U2AF2: variants seen among roughly 807,000 people sequenced by gnomAD.
U2AF2 encodes U2 small nuclear RNA auxiliary factor 2.
A neutral mutation model predicts 52.6 loss-of-function variants in U2AF2; 6 were observed. The observed-to-expected ratio is 0.11, with a 90% CI of 0.06 to 0.23. U2AF2 has a LOEUF of 0.23. Among genes scored for constraint, U2AF2 ranks in the 10% least tolerant of loss-of-function variants. The pLI is 1.00. For missense variants in U2AF2, 222 were observed against 677.1 expected (o/e 0.33, Z 7.46); for synonymous variants, 284 against 258.2 (o/e 1.10, Z -0.96).
At chr19:55,660,709 G>T (rs1437133567) in intron 4 of U2AF2, 90 bp downstream of exon 4, 4 of 1,295,600 alleles carry the variant, frequency 3.1e-6, no homozygotes, top group Non-Finnish European at 4.3e-6. Flanking sequence ...TGCTTGGAGG[G>T]GGTCAAAGAC....
chr19:55,660,971 T>A, intron 4 of U2AF2, 67 bp from the exon 5 acceptor site: 1 of 1,507,362 alleles, frequency 6.6e-7, no homozygotes. Context: ...ACTCCCAGTG[T>A]GTGGTGAGGG....
Position 55,674,079 on chromosome 19 carries a change from G to T in U2AF2, c.*11G>T. On this transcript the variant is annotated 3_prime_UTR_variant, in exon 12 of 12. Transcript: ENST00000308924. Reference sequence around the variant, plus strand: ...CGGGACTTCTGGTAGAGGCGGCTGGGGGAGGGTGGGGGCAGGGCTGGCTGG... The same window carrying T: ...CGGGACTTCTGGTAGAGGCGGCTGGTGGAGGGTGGGGGCAGGGCTGGCTGG... 1 of 1,600,508 alleles carries T rather than the reference G, an allele frequency of 6.2e-7. No homozygotes were observed. The highest frequency in any genetic ancestry group is 8.5e-7 in the Non-Finnish European group (1 of 1,173,264).
intron 6 of U2AF2, among the ~76,000 whole-genome samples, chr19:55,663,028 G>A (rs149654360): frequency 6.4e-4 from 97 of 152,036 alleles, no homozygotes; most frequent in African/African-American, 2.2e-3. Context: ...AGTCTTCTGT[G>A]TCTGTGTTTC....
At chr19:55,667,658 G>A (rs1371586920) in intron 7 of U2AF2, among the ~76,000 whole-genome samples, 5 of 152,200 alleles carry the variant, frequency 3.3e-5, no homozygotes, top group African/African-American at 9.7e-5. Context: ...CTAATGCTGC[G>A]GATGCTGTTC....
At chr19:55,655,785 C>T (rs1187876610) in intron 1 of U2AF2, among the ~76,000 whole-genome samples, 6 of 152,208 alleles carry the variant, frequency 3.9e-5, no homozygotes, top group Admixed American at 3.9e-4. Flanking sequence ...TGGGGCGCCT[C>T]ATATTAACGT....
intron 11 of U2AF2, among the ~76,000 whole-genome samples, chr19:55,673,084 AATTTTTGT>A (rs1163990912): frequency 6.6e-6 from 1 of 151,986 alleles, no homozygotes; most frequent in African/African-American, 2.4e-5. Flanking sequence ...ATGTCTGGCT[AATTTTTGT>A]ATTTTTGGTA....
intron 7 of U2AF2, 157 bp downstream of exon 7, chr19:55,663,901 G>A: frequency 9.0e-7 from 1 of 1,110,954 alleles, no homozygotes; most frequent in African/African-American, 1.6e-5. Context: ...TGTGAGTGGG[G>A]TGCTCTCCTG....
In U2AF2 at chr19:55,668,028, C is replaced by T. The variant is rs1006421078; in HGVS notation, c.743-479C>T. Among the ~76,000 whole-genome samples the T allele has an allele frequency of 4.6e-5, 7 of 152,062 alleles. No homozygotes were observed. The highest frequency in any genetic ancestry group is 9.7e-5 in the African/African-American group (4 of 41,392). On this transcript the variant is annotated intron_variant, in intron 7 of 11. Coordinates refer to ENST00000308924, the MANE Select transcript of U2AF2 (RefSeq NM_007279.3). This position sits in a 1 kb window ranked among gnomAD's most constrained non-coding sequence, Gnocchi z 5.5. ...TTATCTCTTGACCTTGTGATCTGCCCGCCTTGGCCTCCCAAAGTGCTGAGA... is the reference window on the plus strand; with the variant it reads ...TTATCTCTTGACCTTGTGATCTGCCTGCCTTGGCCTCCCAAAGTGCTGAGA...
rs112526838 is a variant in U2AF2, at chr19:55,660,320, G to T, written c.230+99G>T. On this transcript the variant is annotated intron_variant, in intron 3 of 11. Coordinates refer to ENST00000308924, the MANE Select transcript of U2AF2 (RefSeq NM_007279.3). ...CCGCCCATTTCCAGCCCTGGCCCAA[G>T]CACTGGGAAGAGTCCACTTACCTTG... 4,842 of 1,399,178 alleles carry T rather than the reference G, an allele frequency of 3.5e-3. 157 individuals are homozygous for T. The African/African-American group carries it at 0.063, about 18-fold the overall frequency. The allele number at this position is 1,399,178 out of a possible 1,614,324, so 86.7% of individuals were successfully genotyped here.
chr19:55,656,712 T>C (rs1983819569), intron 1 of U2AF2, among the ~76,000 whole-genome samples: 1 of 152,212 alleles, frequency 6.6e-6, no homozygotes, highest in Non-Finnish European at 1.5e-5. Context: ...AACTGAGGGC[T>C]CAGAAAAGTT....
At position 55,674,423 on chromosome 19, in the gene U2AF2, C is replaced by T. The variant is rs981027021; in HGVS notation, c.*355C>T. 4.5e-6 allele frequency: 1 copy of T among 224,414 alleles called. No homozygotes were observed. Among genetic ancestry groups the T allele is most frequent in the Non-Finnish European group, 9.1e-6 (1 of 109,992 alleles). The allele number at this position is 224,414 out of a possible 1,614,324, so 13.9% of individuals were successfully genotyped here. ...CTCCCATAGACCCCTTTCTTCTCCC[C>T]TTCCCCACGGTAGGAACATAGCGTG... On this transcript the variant is annotated 3_prime_UTR_variant, in exon 12 of 12. Coordinates refer to ENST00000308924, the MANE Select transcript of U2AF2 (RefSeq NM_007279.3).
At chr19:55,669,047 C>A in intron 9 of U2AF2, 36 bp from the exon 10 acceptor site, 2 of 1,600,030 alleles carry the variant, frequency 1.2e-6, no homozygotes, top group Non-Finnish European at 1.7e-6. Flanking sequence ...CCCCACCTCT[C>A]CCCGCACCCC....
chr19:55,660,100 C>T, intron 2 of U2AF2, 77 bp from the exon 3 acceptor site: 1 of 1,463,516 alleles, frequency 6.8e-7, no homozygotes. Context: ...GCTCAGTGCC[C>T]TTGGGGGGGT....
chr19:55,665,021 T>C (rs1236257245), intron 7 of U2AF2, among the ~76,000 whole-genome samples: 1 of 152,172 alleles, frequency 6.6e-6, no homozygotes, highest in Non-Finnish European at 1.5e-5. Flanking sequence ...CTCAGCCCAG[T>C]GCTTTTCCAT....
At position 55,668,873 on chromosome 19, in the gene U2AF2, A is replaced by C; in HGVS notation, c.945+81A>C. 1 of 1,557,174 alleles carries C rather than the reference A, an allele frequency of 6.4e-7. No homozygotes were observed. Among genetic ancestry groups the C allele is most frequent in the Non-Finnish European group, 8.7e-7 (1 of 1,149,096 alleles). On this transcript the variant is annotated intron_variant, in intron 9 of 11. Transcript: ENST00000308924. This position sits in a 1 kb window ranked among gnomAD's most constrained non-coding sequence, Gnocchi z 5.5. ...TGCCAAGCCATGGTCTCCCCTCCTCAGGGGACGGGGCGGGAGGCGGCCAAC... is the reference window on the plus strand; with the variant it reads ...TGCCAAGCCATGGTCTCCCCTCCTCCGGGGACGGGGCGGGAGGCGGCCAAC...
At chr19:55,663,322 A>G (rs1410558413) in intron 6 of U2AF2, among the ~76,000 whole-genome samples, 11 of 152,104 alleles carry the variant, frequency 7.2e-5, no homozygotes. Flanking sequence ...CTTTCCCGTA[A>G]CATCCCTTTT....
chr19:55,665,509 A>G (rs1434934452), intron 7 of U2AF2, among the ~76,000 whole-genome samples: 5 of 126,506 alleles, frequency 4.0e-5, no homozygotes, highest in Non-Finnish European at 6.6e-5. Context: ...GCGCTGTCCT[A>G]AGTGCCCTCC....
intron 7 of U2AF2, among the ~76,000 whole-genome samples, chr19:55,664,335 A>G (rs1164460208): frequency 6.6e-6 from 1 of 152,218 alleles, no homozygotes; most frequent in Non-Finnish European, 1.5e-5. Flanking sequence ...GTGTGCCGGC[A>G]CACCTCGACA....
rs1165193738 is a variant in U2AF2, at chr19:55,669,010, G to C, written c.946-73G>C. On this transcript the variant is annotated intron_variant, in intron 9 of 11. Coordinates refer to ENST00000308924, the MANE Select transcript of U2AF2 (RefSeq NM_007279.3). ...TCCCCCACCAATGCCCCGGCTTGGG[G>C]GTAGGTGTCGGGCTCCTGGTCCCTG... is the stretch of plus-strand genomic sequence containing the variant. 19 of 1,551,352 alleles carry C rather than the reference G, an allele frequency of 1.2e-5. No individual in the cohort carries two copies. In the East Asian group the frequency reaches 4.2e-4, roughly 34 times the overall value.
Sources: allele counts gnomAD v4.1 joint callset (sites outside exome capture counted in the v4.1 genomes callset), GRCh38; gene constraint gnomAD v4.1.1; non-coding constraint Gnocchi (gnomAD v3.1); transcripts MANE v1.5; gene names NCBI Gene and HGNC (gene_info 2026-07-23, HGNC 2026-07-21).